The following VIL1 variants were observed in gnomAD, a reference collection of about 807,000 sequenced individuals.
The protein encoded by VIL1 is villin-1.
In VIL1, 86 loss-of-function variants were observed where a neutral mutation model predicts 104.0. The observed-to-expected ratio is 0.83, with a 90% CI of 0.69 to 0.99. The LOEUF (loss-of-function observed/expected upper bound fraction) is 0.99. Ranked by LOEUF, VIL1 falls within the 50% of genes least tolerant of loss-of-function variation. VIL1 has a pLI of 0.00. For missense variants in VIL1, 944 were observed against 1,054.1 expected, an observed-to-expected ratio of 0.90 and a Z score of 1.45; for synonymous variants, 394 against 412.6, an observed-to-expected ratio of 0.95 and a Z score of 0.55.
Position 218,436,520 on chromosome 2 carries a change from T to G in VIL1, c.1865T>G (p.Phe622Cys), listed in dbSNP as rs751907315. Residue 622 changes from phenylalanine (F) to cysteine (C), a missense_variant, in exon 16 of 20, where the codon TTT becomes TGT. Phe to Cys is a radical substitution (Grantham distance 205, BLOSUM62 -2). Coordinates refer to ENST00000248444, the MANE Select transcript of VIL1 (RefSeq NM_007127.3). ...AACCTGGTCATCACCCCCCGGCTCT[T>G]TGAGTGTTCCAACAAGACTGGGCGC... is the stretch of plus-strand genomic sequence containing the variant. Reference protein sequence around the residue: ...EENLVITPRLFECSNKTGRFL... With the variant: ...EENLVITPRLCECSNKTGRFL... 6.2e-7 allele frequency: 1 copy of G among 1,613,966 alleles called. No individual in the cohort carries two copies. Among genetic ancestry groups the G allele is most frequent in the South Asian group, 1.1e-5 (1 of 91,052 alleles).
intron 19 of VIL1, among the ~76,000 whole-genome samples, chr2:218,443,712 T>C (rs1379362326): frequency 6.6e-6 from 1 of 152,128 alleles, no homozygotes; most frequent in African/African-American, 2.4e-5. Flanking sequence ...TGAAGTGAAG[T>C]GGCACAAGCT....
chr2:218,449,170 G>A (rs1200414902), intron 19 of VIL1, 53 bp from the exon 20 acceptor site: 12 of 1,345,852 alleles, frequency 8.9e-6, no homozygotes, highest in Non-Finnish European at 1.1e-6. Context: ...CTGAGGGTGA[G>A]GGAGGAAGGA....
At chr2:218,429,726 CTCAAGCAGGA>C in intron 8 of VIL1, 51 bp downstream of exon 8, 3 of 1,609,748 alleles carry the variant, frequency 1.9e-6, no homozygotes, top group Non-Finnish European at 2.6e-6. Context: ...CCCCCTTTCC[CTCAAGCAGGA>C]AAAATTCCAG....
intron 4 of VIL1, 102 bp from the exon 5 acceptor site, chr2:218,427,863 T>C (rs1363709131): frequency 2.8e-6 from 3 of 1,065,314 alleles, no homozygotes; most frequent in Non-Finnish European, 1.4e-6. Flanking sequence ...ACTCCCACCC[T>C]GGCCCTCACG....
At chr2:218,444,318 C>T (rs752145863) in intron 19 of VIL1, among the ~76,000 whole-genome samples, 10 of 150,588 alleles carry the variant, frequency 6.6e-5, no homozygotes, top group African/African-American at 1.5e-4. Context: ...CTTGCTCTGT[C>T]GCCCAAGCTG....
chr2:218,426,065 T>A (rs568666899), intron 4 of VIL1, among the ~76,000 whole-genome samples: 13 of 152,290 alleles, frequency 8.5e-5, no homozygotes, highest in African/African-American at 3.1e-4. Flanking sequence ...CACTGCTCTG[T>A]CCTTGGTCTG....
In VIL1 at chr2:218,439,681, G is replaced by A. The variant is rs114303693; in HGVS notation, c.2229+955G>A. 6.9e-3 allele frequency among the ~76,000 whole-genome samples: 1,054 copies of A among 152,156 alleles called. 12 individuals are homozygous for A. Among genetic ancestry groups the A allele is most frequent in the African/African-American group, 0.024 (1,013 of 41,526 alleles). On this transcript the variant is annotated intron_variant, in intron 18 of 19. Transcript: ENST00000248444. Reference sequence around the variant, plus strand: ...AAAAAATAAAAAACAGCCAGGTGTGGTGGTGCGTGCTTGTGGTCCCAGCTA... The same window carrying A: ...AAAAAATAAAAAACAGCCAGGTGTGATGGTGCGTGCTTGTGGTCCCAGCTA...
rs1689469473 is a variant in VIL1, at chr2:218,451,233, C to CAT, written c.*1898_*1899dup. ...GCAAAATGGGGAGGAAAAAGACATC[C>CAT]ATCCATTTTATTGGAACACTTTTAT... On this transcript the variant is annotated 3_prime_UTR_variant, in exon 20 of 20. Coordinates refer to ENST00000248444, the MANE Select transcript of VIL1 (RefSeq NM_007127.3). 1 of 152,108 alleles carries CAT rather than the reference C, an allele frequency of 6.6e-6. No individual in the cohort carries two copies. Among genetic ancestry groups the CAT allele is most frequent in the Admixed American group, 6.6e-5 (1 of 15,266 alleles). The allele number at this position is 152,108 out of a possible 1,614,324, so 9.4% of individuals were successfully genotyped here.
chr2:218,433,778 A>G (rs1437588414), intron 13 of VIL1, among the ~76,000 whole-genome samples: 1 of 152,014 alleles, frequency 6.6e-6, no homozygotes, highest in African/African-American at 2.4e-5. Context: ...GTGGTAGTGC[A>G]CACTTGTAAT....
chr2:218,444,704 G>A (rs929094317), intron 19 of VIL1, among the ~76,000 whole-genome samples: 9 of 152,232 alleles, frequency 5.9e-5, no homozygotes, highest in African/African-American at 2.2e-4. Context: ...TGCAAGGTGA[G>A]CCAGTGACAA....
Position 218,436,588 on chromosome 2 carries a change from G to C in VIL1, c.1933G>C (p.Glu645Gln). The part of the protein sequence containing the change: ...EIPDFNQDDL[E>Q]EDDVFLLDVW... ...CCCTGACTTCAATCAGGATGACTTG[G>C]AAGAGGATGATGTGTTCCTACTAGA... is the stretch of plus-strand genomic sequence containing the variant. The change falls in exon 16 of 20, where the codon GAA becomes CAA. Residue 645 changes from glutamate to glutamine, a missense_variant. Physicochemically the swap from Glu to Gln is conservative, Grantham distance 29. Transcript: ENST00000248444. 2 of 1,614,104 alleles carry C rather than the reference G, an allele frequency of 1.2e-6. No homozygotes were observed. The highest frequency in any genetic ancestry group is 1.7e-6 in the Non-Finnish European group (2 of 1,180,040).
intron 19 of VIL1, among the ~76,000 whole-genome samples, chr2:218,441,813 C>T (rs1689288978): frequency 6.6e-6 from 1 of 152,064 alleles, no homozygotes; most frequent in Non-Finnish European, 1.5e-5. Flanking sequence ...CATGGTGAAA[C>T]CCCATCTCTA....
At chr2:218,432,719 G>A (rs997624333) in intron 12 of VIL1, 74 bp from the exon 13 acceptor site, 7 of 1,582,828 alleles carry the variant, frequency 4.4e-6, no homozygotes, top group African/African-American at 1.3e-5. Flanking sequence ...GGATGGAGTT[G>A]TTGCTGAGGC....
chr2:218,435,176 A>C (rs1290925074), intron 14 of VIL1, 113 bp from the exon 15 acceptor site: 1 of 1,439,756 alleles, frequency 6.9e-7, no homozygotes, highest in East Asian at 2.3e-5. Flanking sequence ...CTGTATACAC[A>C]AGGTCCTGAC....
At position 218,447,531 on chromosome 2, in the gene VIL1, G is replaced by T. The variant is rs545035516; in HGVS notation, c.2371-1692G>T. Among the ~76,000 whole-genome samples the T allele has an allele frequency of 6.8e-4, 104 of 152,046 alleles. 1 individual carries two copies. The highest frequency in any genetic ancestry group is 6.8e-3 in the Admixed American group (104 of 15,278). ...GATGGGGTTTCACCATGTTGCCCAG[G>T]CTGGTCTTGAACTCCTGAACTCAAG... is the stretch of plus-strand genomic sequence containing the variant. On this transcript the variant is annotated intron_variant, in intron 19 of 19. Transcript: ENST00000248444.
intron 1 of VIL1, among the ~76,000 whole-genome samples, chr2:218,422,046 G>T (rs1688906123): frequency 6.6e-6 from 1 of 152,136 alleles, no homozygotes. Context: ...CTGAGGTCAG[G>T]AGTTCGAGAC....
At chr2:218,437,918 G>A (rs1689223311) in intron 17 of VIL1, among the ~76,000 whole-genome samples, 1 of 152,180 alleles carries the variant, frequency 6.6e-6, no homozygotes, top group Non-Finnish European at 1.5e-5. Context: ...GTAGGAAGAA[G>A]GCCAAGGTAC....
chr2:218,431,373 A>C (rs552103652), intron 10 of VIL1, among the ~76,000 whole-genome samples: 1 of 118,870 alleles, frequency 8.4e-6, no homozygotes, highest in African/African-American at 3.1e-5. Context: ...AAAAAAAAAA[A>C]GGGGAGCTGT....
At position 218,435,063 on chromosome 2, in the gene VIL1, C is replaced by T. The variant is rs970661406; in HGVS notation, c.1681-226C>T. ...TGATCTCTGTAAGAAGAATGCATAG[C>T]CTCTTGGAGTCCCTCTCGAACCTTG... is the stretch of plus-strand genomic sequence containing the variant. On this transcript the variant is annotated intron_variant, in intron 14 of 19. Coordinates refer to ENST00000248444, the MANE Select transcript of VIL1 (RefSeq NM_007127.3). Among the ~76,000 whole-genome samples the T allele has an allele frequency of 2.0e-5, 3 of 151,524 alleles. No homozygotes were observed. The Admixed American group carries it at 2.0e-4, about 10-fold the overall frequency.
Sources: allele counts gnomAD v4.1 joint callset (sites outside exome capture counted in the v4.1 genomes callset), GRCh38; gene constraint gnomAD v4.1.1; transcripts MANE v1.5; gene names NCBI Gene and HGNC (gene_info 2026-07-23, HGNC 2026-07-21).